Variants in IFT43 observed in about 807,000 individuals in gnomAD.
The protein encoded by IFT43 is intraflagellar transport protein 43 homolog.
In IFT43, 33 loss-of-function variants were observed where a neutral mutation model predicts 32.3. The observed-to-expected ratio is 1.02, with a 90% CI of 0.77 to 1.37. The LOEUF (loss-of-function observed/expected upper bound fraction) is 1.37, where lower values mean the gene tolerates loss of function less well. IFT43 is among the 40% of genes most tolerant of loss of function. The pLI is 0.00. For synonymous variants in IFT43, 93 were observed against 98.2 expected, an observed-to-expected ratio of 0.95 and a Z score of 0.31; for missense variants, 274 against 265.9, an observed-to-expected ratio of 1.03 and a Z score of -0.21.
intron 3 of IFT43, among the ~76,000 whole-genome samples, chr14:76,057,928 AGT>A (rs2037052699): frequency 6.6e-6 from 1 of 152,194 alleles, no homozygotes; most frequent in African/African-American, 2.4e-5. Context: ...TGTTTCTCAG[AGT>A]GTGAGTAGTG....
At chr14:76,049,967 G>C (rs964198424) in intron 3 of IFT43, among the ~76,000 whole-genome samples, 1 of 152,084 alleles carries the variant, frequency 6.6e-6, no homozygotes, top group African/African-American at 2.4e-5. Flanking sequence ...TACCCACTCA[G>C]CCCTGACGCC....
At chr14:76,051,791 A>G (rs1566725907) in intron 3 of IFT43, among the ~76,000 whole-genome samples, 1 of 152,230 alleles carries the variant, frequency 6.6e-6, no homozygotes. Flanking sequence ...CGTAGTTGGT[A>G]TCTCTTTCCT....
At chr14:76,083,051 C>T (rs1163130611) in intron 7 of IFT43, 176 bp from the exon 8 acceptor site, 1 of 196,212 alleles carries the variant, frequency 5.1e-6, no homozygotes, top group Admixed American at 6.5e-5. Context: ...ATAGCCTTCC[C>T]TCATTTCTCA....
At chr14:75,990,147 C>T (rs1327811163) in intron 2 of IFT43, among the ~76,000 whole-genome samples, 2 of 152,244 alleles carry the variant, frequency 1.3e-5, no homozygotes, top group Non-Finnish European at 2.9e-5. Context: ...CACATGCCCC[C>T]TCTAAAGGGA....
At chr14:76,038,902 C>G (rs2036654971) in intron 3 of IFT43, among the ~76,000 whole-genome samples, 1 of 152,108 alleles carries the variant, frequency 6.6e-6, no homozygotes, top group Non-Finnish European at 1.5e-5. Flanking sequence ...AGCCTGTTCC[C>G]TGTTAAACTG....
intron 3 of IFT43, 51 bp downstream of exon 3, chr14:76,022,445 G>T (rs1296819627): frequency 9.4e-7 from 1 of 1,062,746 alleles, no homozygotes; most frequent in East Asian, 2.4e-5. Context: ...CACGGTTGGG[G>T]GGACTTTGCT....
intron 5 of IFT43, among the ~76,000 whole-genome samples, chr14:76,067,070 C>T (rs2140070448): frequency 6.6e-6 from 1 of 152,330 alleles, no homozygotes; most frequent in African/African-American, 2.4e-5. Flanking sequence ...TTCGGTCTTT[C>T]ATAGACAACT....
At chr14:76,049,698 C>T (rs912762342) in intron 3 of IFT43, among the ~76,000 whole-genome samples, 1 of 141,124 alleles carries the variant, frequency 7.1e-6, no homozygotes, top group Non-Finnish European at 1.5e-5. Context: ...ACCCCCAACC[C>T]CCTTCTTTCT....
intron 2 of IFT43, among the ~76,000 whole-genome samples, chr14:75,994,166 T>C (rs181751030): frequency 6.6e-6 from 1 of 152,278 alleles, no homozygotes; most frequent in Non-Finnish European, 1.5e-5. Context: ...AAAATGTACA[T>C]TCTTCTCCAG....
At chr14:76,034,796 C>T (rs2036569794) in intron 3 of IFT43, among the ~76,000 whole-genome samples, 1 of 152,218 alleles carries the variant, frequency 6.6e-6, no homozygotes, top group African/African-American at 2.4e-5. Flanking sequence ...TGCCTGGGGC[C>T]TGGGATCACT....
At chr14:76,008,563 A>G (rs371915701) in intron 2 of IFT43, among the ~76,000 whole-genome samples, 2 of 152,082 alleles carry the variant, frequency 1.3e-5, no homozygotes, top group African/African-American at 4.8e-5. Context: ...AGAAAGAGAC[A>G]TTTCTAGAAT....
At position 75,999,227 on chromosome 14, in the gene IFT43, TTATA is replaced by T. The variant is rs1162371057; in HGVS notation, c.147+10292_147+10295del. On this transcript the variant is annotated intron_variant, in intron 2 of 8. Transcript: ENST00000314067. Reference sequence around the variant, plus strand: ...ATATTCATTTATATATAAATTCATTTTATATATATATATATATATATATATATAT... The same window carrying T: ...ATATTCATTTATATATAAATTCATTTTATATATATATATATATATATATAT... Among the ~76,000 whole-genome samples the T allele has an allele frequency of 3.8e-3, 364 of 95,828 alleles. 1 individual carries two copies. Among genetic ancestry groups the T allele is most frequent in the East Asian group, 9.5e-3 (33 of 3,468 alleles). 62.9% of individuals were successfully genotyped at this position (95,828 alleles called of 152,430 possible).
intron 2 of IFT43, among the ~76,000 whole-genome samples, chr14:76,000,877 T>C (rs1045572241): frequency 6.6e-6 from 1 of 152,192 alleles, no homozygotes; most frequent in Non-Finnish European, 1.5e-5. Context: ...CAAGAAAGGA[T>C]AATTATTTCA....
intron 2 of IFT43, among the ~76,000 whole-genome samples, chr14:76,002,855 G>T (rs542671620): frequency 1.3e-5 from 2 of 152,230 alleles, no homozygotes; most frequent in Non-Finnish European, 2.9e-5. Flanking sequence ...GACTCTACTT[G>T]AAAGAGCTGC....
At position 76,059,210 on chromosome 14, in the gene IFT43, A is replaced by G. The variant is rs2302857; in HGVS notation, c.249-117A>G. 0.34 allele frequency: 544,518 copies of G among 1,601,930 alleles called. 93,334 individuals are homozygous for G. Among genetic ancestry groups the G allele is most frequent in the African/African-American group, 0.36 (26,744 of 74,682 alleles). ...GGTTTGACTAAGTTGACAGAGAAAA[A>G]CAGGTTCAGGGACATTTTCATCTAG... On this transcript the variant is annotated intron_variant, in intron 4 of 8. Coordinates refer to ENST00000314067, the MANE Select transcript of IFT43 (RefSeq NM_001102564.3).
intron 2 of IFT43, among the ~76,000 whole-genome samples, chr14:76,014,994 C>T (rs976298938): frequency 6.6e-6 from 1 of 152,206 alleles, no homozygotes; most frequent in East Asian, 1.9e-4. Context: ...ATACACTGAA[C>T]TCTGCGTGTT....
chr14:75,987,776 C>T (rs2205181), intron 1 of IFT43, among the ~76,000 whole-genome samples: 66,240 of 152,064 alleles, frequency 0.44, 17,588 homozygotes, highest in Non-Finnish European at 0.59. Context: ...ACCGGAGGGC[C>T]TTGGGAAACA....
rs549816406 is a variant in IFT43 at position 75,986,714 on chromosome 14, C to A, written c.54+874C>A. Among the ~76,000 whole-genome samples the A allele has an allele frequency of 1.8e-4, 28 of 152,268 alleles. No individual in the cohort carries two copies. The South Asian group carries it at 5.8e-3, about 32-fold the overall frequency. On this transcript the variant is annotated intron_variant, in intron 1 of 8. Coordinates refer to ENST00000314067, the MANE Select transcript of IFT43 (RefSeq NM_001102564.3). Reference sequence around the variant, plus strand: ...AGTGTCTACCTTCCTCCTTTGTAACCCCCATCAGGCCTTTTTATCTTTAAA... The same window carrying A: ...AGTGTCTACCTTCCTCCTTTGTAACACCCATCAGGCCTTTTTATCTTTAAA...
At chr14:76,001,027 T>C (rs1566700903) in intron 2 of IFT43, among the ~76,000 whole-genome samples, 1 of 152,080 alleles carries the variant, frequency 6.6e-6, no homozygotes, top group Non-Finnish European at 1.5e-5. Flanking sequence ...TATTCTAGGG[T>C]CTCTATGAAG....
Sources: gnomAD v4.1 joint callset for allele counts (sites outside exome capture counted in the v4.1 genomes callset) on GRCh38, gnomAD v4.1.1 for gene constraint, MANE v1.5 for transcripts, NCBI Gene and HGNC (gene_info 2026-07-23, HGNC 2026-07-21) for gene names.